NFIB: variants seen among roughly 807,000 people sequenced by gnomAD.
NFIB encodes nuclear factor 1 B-type.
Under a neutral mutation model 61.5 loss-of-function variants are expected in NFIB, and 11 were observed. The observed-to-expected ratio is 0.18, with a 90% CI of 0.11 to 0.30. The LOEUF (loss-of-function observed/expected upper bound fraction) is 0.30. NFIB is among the 10% of genes least tolerant of loss of function. The pLI is 1.00. For missense variants in NFIB, 471 were observed against 608.9 expected, an observed-to-expected ratio of 0.77 and a Z score of 2.38; for synonymous variants, 260 against 216.5, an observed-to-expected ratio of 1.20 and a Z score of -1.76.
chr9:14,456,612 G>C, the NFIB span, among the ~76,000 whole-genome samples: 1 of 152,108 alleles, frequency 6.6e-6, no homozygotes, highest in Non-Finnish European at 1.5e-5. Context: ...ATAACATGCA[G>C]CCTCACTCAT....
At position 14,288,984 on chromosome 9, in the gene NFIB, C is replaced by T. The variant is rs564212434; in HGVS notation, c.562+18005G>A. Among the ~76,000 whole-genome samples, 16 of 151,210 alleles carry T rather than the reference C, an allele frequency of 1.1e-4. No homozygotes were observed. The South Asian group carries it at 2.9e-3, about 28-fold the overall frequency. On this transcript the variant is annotated intron_variant, in intron 2 of 10. Coordinates refer to ENST00000380953, the MANE Select transcript of NFIB (RefSeq NM_001190737.2). ...TTCTTTGACTATATGATGATACATACGGAATCATATTAAACACATACCAAA... is the reference window on the plus strand; with the variant it reads ...TTCTTTGACTATATGATGATACATATGGAATCATATTAAACACATACCAAA...
At chr9:14,444,885 A>T in the NFIB span, among the ~76,000 whole-genome samples, 3 of 152,160 alleles carry the variant, frequency 2.0e-5, no homozygotes, top group African/African-American at 7.2e-5. Flanking sequence ...CCTCACTTAC[A>T]TGATAATCAT....
At chr9:14,297,943 C>T (rs75955748) in intron 2 of NFIB, among the ~76,000 whole-genome samples, 168 of 151,990 alleles carry the variant, frequency 1.1e-3, no homozygotes, top group African/African-American at 3.3e-3. Context: ...AGGTAAAATT[C>T]GCTATTTTTG....
intron 4 of NFIB, among the ~76,000 whole-genome samples, chr9:14,152,665 G>T (rs192708782): frequency 1.8e-3 from 272 of 152,096 alleles, no homozygotes; most frequent in African/African-American, 6.0e-3. Flanking sequence ...AACATAATTT[G>T]CTTACCCATA....
At chr9:14,222,957 G>A (rs1244422437) in intron 2 of NFIB, among the ~76,000 whole-genome samples, 2 of 152,030 alleles carry the variant, frequency 1.3e-5, no homozygotes, top group Non-Finnish European at 2.9e-5. Context: ...AGTGGCTTAT[G>A]CAGCTAAATC....
intron 10 of NFIB, among the ~76,000 whole-genome samples, chr9:14,111,241 T>C (rs543049002): frequency 1.3e-4 from 20 of 152,296 alleles, no homozygotes; most frequent in Non-Finnish European, 2.5e-4. Flanking sequence ...TTTTTAGATA[T>C]GTGAAAGAAG....
chr9:14,508,655 G>A, the NFIB span, among the ~76,000 whole-genome samples: 33 of 152,346 alleles, frequency 2.2e-4, no homozygotes, highest in Admixed American at 5.2e-4. Context: ...AAGCAAGCCC[G>A]AATGGGATGT....
intron 3 of NFIB, among the ~76,000 whole-genome samples, chr9:14,174,959 C>T (rs9942852): frequency 0.99 from 151,051 of 151,986 alleles, 75,067 homozygotes; most frequent in Middle Eastern, 1. Context: ...ATTCTAAGAT[C>T]TGAAAAATCA....
chr9:14,253,336 G>A (rs961918341), intron 2 of NFIB, among the ~76,000 whole-genome samples: 1 of 152,180 alleles, frequency 6.6e-6, no homozygotes, highest in Non-Finnish European at 1.5e-5. Context: ...GGACTGAGTG[G>A]TCACCACCAA....
chr9:14,482,027 A>C, the NFIB span, among the ~76,000 whole-genome samples: 1 of 151,952 alleles, frequency 6.6e-6, no homozygotes, highest in African/African-American at 2.4e-5. Flanking sequence ...CTCATCTTCT[A>C]ACTAAGGGTT....
At chr9:14,102,458 C>G (rs772123610) in intron 10 of NFIB, 1 of 1,550,290 alleles carries the variant, frequency 6.5e-7, no homozygotes. Context: ...CTCACTGGTA[C>G]TGGGGTATAA....
chr9:14,168,985 C>G (rs1020822744), intron 3 of NFIB, among the ~76,000 whole-genome samples: 1 of 152,158 alleles, frequency 6.6e-6, no homozygotes, highest in Admixed American at 6.6e-5. Context: ...CATAAAATAG[C>G]AGAATACTTT....
chr9:14,269,305 C>G (rs1182304200), intron 2 of NFIB, among the ~76,000 whole-genome samples: 1 of 152,100 alleles, frequency 6.6e-6, no homozygotes, highest in East Asian at 1.9e-4. Context: ...AAAACTAGCT[C>G]TTTTTCCTTT....
chr9:14,520,952 T>A, the NFIB span, among the ~76,000 whole-genome samples: 47 of 152,192 alleles, frequency 3.1e-4, no homozygotes, highest in Admixed American at 9.2e-4. Context: ...AATGGCTCGC[T>A]TATGCCTACA....
Position 14,313,259 on chromosome 9 carries a change from C to T in NFIB, c.30+223G>A, listed in dbSNP as rs1230002028. Among the ~76,000 whole-genome samples the T allele has an allele frequency of 1.3e-5, 2 of 151,502 alleles. No homozygotes were observed. The highest frequency in any genetic ancestry group is 2.4e-5 in the African/African-American group (1 of 41,360). Reference sequence around the variant, plus strand: ...GCGGCCTTGCCCGGCCCAGCGCCCGCGCTCCGTGCCCAGGGCGCGGGGCTG... The same window carrying T: ...GCGGCCTTGCCCGGCCCAGCGCCCGTGCTCCGTGCCCAGGGCGCGGGGCTG... On this transcript the variant is annotated intron_variant, in intron 1 of 10. Transcript: ENST00000380953. The surrounding 1 kb of genome is among the most constrained non-coding windows in gnomAD (Gnocchi z 4.5).
intron 1 of NFIB, among the ~76,000 whole-genome samples, chr9:14,347,713 G>T (rs571357417): frequency 1.0e-3 from 152 of 152,264 alleles, no homozygotes; most frequent in Admixed American, 4.9e-3. Context: ...GAGTGTAAAA[G>T]ACATTTCCTT....
chr9:14,445,921 C>A, the NFIB span, among the ~76,000 whole-genome samples: 1 of 152,064 alleles, frequency 6.6e-6, no homozygotes, highest in Non-Finnish European at 1.5e-5. Context: ...TTAGAATAGC[C>A]ATTAGAGAGT....
chr9:14,183,217 A>AC (rs1204060978), intron 2 of NFIB, among the ~76,000 whole-genome samples: 1 of 151,918 alleles, frequency 6.6e-6, no homozygotes, highest in East Asian at 1.9e-4. Flanking sequence ...AAATGCTTTC[A>AC]CCCCTCATTC....
intron 2 of NFIB, among the ~76,000 whole-genome samples, chr9:14,214,373 T>C (rs2131752009): frequency 6.6e-6 from 1 of 152,356 alleles, no homozygotes; most frequent in South Asian, 2.1e-4. Flanking sequence ...TGTCACCATC[T>C]TGAAACTCTT....
Sources: gnomAD v4.1 joint callset for allele counts (sites outside exome capture counted in the v4.1 genomes callset) on GRCh38, gnomAD v4.1.1 for gene constraint, Gnocchi (gnomAD v3.1) non-coding constraint, MANE v1.5 for transcripts, NCBI Gene and HGNC (gene_info 2026-07-23, HGNC 2026-07-21) for gene names.